The following MTR variants were observed in gnomAD, a reference collection of about 807,000 sequenced individuals.
MTR encodes 5-methyltetrahydrofolate-homocysteine methyltransferase, also known as methionine synthase.
In MTR, 84 loss-of-function variants were observed where a neutral mutation model predicts 154.8. That is an observed-to-expected ratio of 0.54 (90% CI 0.45 to 0.65). MTR has a LOEUF of 0.65. Ranked by LOEUF, MTR falls within the 30% of genes least tolerant of loss-of-function variation. The pLI, the probability that MTR is intolerant of heterozygous loss-of-function variation, is 0.00. For missense variants in MTR, 1,275 were observed against 1,570.2 expected (o/e 0.81, Z 3.18); for synonymous variants, 554 against 553.9 (o/e 1.00, Z 0.00).
At chr1:236,886,825 C>T (rs946390680) in intron 27 of MTR, among the ~76,000 whole-genome samples, 4 of 152,170 alleles carry the variant, frequency 2.6e-5, no homozygotes, top group Admixed American at 6.5e-5. Context: ...CTGGGTCTTT[C>T]GCAGGCCCAG....
intron 1 of MTR, among the ~76,000 whole-genome samples, chr1:236,796,212 C>G (rs1408808043): frequency 6.6e-6 from 1 of 152,318 alleles, no homozygotes; most frequent in South Asian, 2.1e-4. Flanking sequence ...TCTGCTTCTA[C>G]GCACGCTGCT....
At chr1:236,875,551 A>G (rs1665383888) in intron 24 of MTR, among the ~76,000 whole-genome samples, 1 of 152,212 alleles carries the variant, frequency 6.6e-6, no homozygotes, top group African/African-American at 2.4e-5. Flanking sequence ...TCACTTTCTC[A>G]GCATTATCAT....
intron 31 of MTR, among the ~76,000 whole-genome samples, chr1:236,896,643 G>C (rs1302614298): frequency 6.6e-6 from 1 of 152,180 alleles, no homozygotes; most frequent in Non-Finnish European, 1.5e-5. Context: ...GCCGGTGGAG[G>C]CTGTTCAGTT....
chr1:236,829,378 A>G, intron 12 of MTR, 110 bp downstream of exon 12: 1 of 906,878 alleles, frequency 1.1e-6, no homozygotes, highest in Non-Finnish European at 1.8e-6. Flanking sequence ...AGGTCGAAGA[A>G]GAATCCATAT....
intron 8 of MTR, chr1:236,819,593 C>A: frequency 2.3e-6 from 1 of 433,520 alleles, no homozygotes. Flanking sequence ...GTCCATCCGG[C>A]GTTGTTCTGG....
chr1:236,805,669 G>A (rs893876145), intron 2 of MTR, among the ~76,000 whole-genome samples: 5 of 151,766 alleles, frequency 3.3e-5, no homozygotes, highest in African/African-American at 1.2e-4. Flanking sequence ...AATTTTTCGT[G>A]TTGTTTTGGT....
chr1:236,892,937 C>T (rs1262998041), intron 29 of MTR, among the ~76,000 whole-genome samples: 1 of 152,116 alleles, frequency 6.6e-6, no homozygotes, highest in Non-Finnish European at 1.5e-5. Context: ...TTTTAGTAGC[C>T]TCTGGAGAGG....
At chr1:236,851,013 G>A (rs1432056461) in intron 16 of MTR, among the ~76,000 whole-genome samples, 1 of 152,040 alleles carries the variant, frequency 6.6e-6, no homozygotes, top group Non-Finnish European at 1.5e-5. Context: ...GTTTTATGAC[G>A]CTACTCTGTT....
rs1660976326 is a variant in MTR, at chr1:236,806,229, A to G, written c.335A>G (p.His112Arg). 1 of 1,612,552 alleles carries G rather than the reference A, an allele frequency of 6.2e-7. No individual in the cohort carries two copies. The highest frequency in any genetic ancestry group is 8.5e-7 in the Non-Finnish European group (1 of 1,178,658). Residue 112 changes from histidine to arginine, a missense_variant, in exon 3 of 33, where the codon CAC becomes CGC. His to Arg is a conservative substitution (Grantham distance 29, BLOSUM62 0). Coordinates refer to ENST00000366577, the MANE Select transcript of MTR (RefSeq NM_000254.3). ...GCCCAAGCTGACTATGGCCTTGAAC[A>G]CTTGGTAAGAATTCCATTGTTCCAT... Reference protein sequence around the residue: ...SIAQADYGLEHLAYRMNMCSA... With the variant: ...SIAQADYGLERLAYRMNMCSA...
At chr1:236,891,095 G>A (rs1455631813) in intron 28 of MTR, 38 bp from the exon 29 acceptor site, 1 of 1,605,918 alleles carries the variant, frequency 6.2e-7, no homozygotes, top group Non-Finnish European at 8.5e-7. Flanking sequence ...GTTATTTTTG[G>A]CATCTTTAAG....
intron 24 of MTR, among the ~76,000 whole-genome samples, chr1:236,876,722 C>A (rs1313512098): frequency 1.4e-5 from 2 of 143,210 alleles, no homozygotes; most frequent in Non-Finnish European, 3.1e-5. Flanking sequence ...GAAAAAAAAA[C>A]ATTGAGAAGC....
intron 15 of MTR, among the ~76,000 whole-genome samples, chr1:236,846,692 C>G (rs1358543074): frequency 6.6e-6 from 1 of 152,038 alleles, no homozygotes; most frequent in Non-Finnish European, 1.5e-5. Flanking sequence ...TAGATCATTC[C>G]TGTGTGTTTT....
At chr1:236,830,346 C>A (rs1184746897) in intron 12 of MTR, among the ~76,000 whole-genome samples, 1 of 151,994 alleles carries the variant, frequency 6.6e-6, no homozygotes, top group Admixed American at 6.6e-5. Flanking sequence ...TTACTTCAGC[C>A]AAGCACTAAG....
In MTR at chr1:236,882,801, A is replaced by G. The variant is rs546372073; in HGVS notation, c.2676+1965A>G. Among the ~76,000 whole-genome samples the G allele has an allele frequency of 1.5e-3, 235 of 152,338 alleles. 3 individuals are homozygous for G. Among genetic ancestry groups the G allele is most frequent in the African/African-American group, 5.4e-3 (225 of 41,592 alleles). On this transcript the variant is annotated intron_variant, in intron 25 of 32. Transcript: ENST00000366577. ...TCCAGTTTGGTCCAGCCACGCAGCC[A>G]GCAGTGGTTAGCTCCTCCCGTGTAC... is the stretch of plus-strand genomic sequence containing the variant.
In MTR at chr1:236,880,702, A is replaced by G. The variant is rs1572323159; in HGVS notation, c.2595-53A>G. The G allele has an allele frequency of 2.9e-6, 4 of 1,388,134 alleles. No individual in the cohort carries two copies. In the South Asian group the frequency reaches 4.6e-5, roughly 16 times the overall value. 86.0% of individuals were successfully genotyped at this position (1,388,134 alleles called of 1,614,324 possible). On this transcript the variant is annotated intron_variant, in intron 24 of 32. Coordinates refer to ENST00000366577, the MANE Select transcript of MTR (RefSeq NM_000254.3). ...TCTAATGGCGCTGAACAAGAGTTGT[A>G]TAGGAACTGTCAGTGCTGATGGATA...
At chr1:236,847,379 C>T (rs959336568) in intron 15 of MTR, among the ~76,000 whole-genome samples, 1 of 152,230 alleles carries the variant, frequency 6.6e-6, no homozygotes, top group Non-Finnish European at 1.5e-5. Context: ...TCCTTCTCTT[C>T]CTCACAGTGT....
rs530094792 is a variant in MTR, at chr1:236,845,645, GA to G, written c.1516-4697del. 1.7e-3 allele frequency among the ~76,000 whole-genome samples: 257 copies of G among 152,298 alleles called. 3 individuals are homozygous for G. The highest frequency in any genetic ancestry group is 5.8e-3 in the African/African-American group (241 of 41,562). ...AATGTAACAGCCCAAGTGCCCAACTGAAGAGAAATAGATAGGTAACATAATT... is the reference window on the plus strand; with the variant it reads ...AATGTAACAGCCCAAGTGCCCAACTGAGAGAAATAGATAGGTAACATAATT... On this transcript the variant is annotated intron_variant, in intron 15 of 32. Transcript: ENST00000366577.
chr1:236,852,492 A>C, intron 16 of MTR, 29 bp from the exon 17 acceptor site: 5 of 1,543,794 alleles, frequency 3.2e-6, no homozygotes, highest in South Asian at 1.1e-5. Flanking sequence ...AAAAAGGGGA[A>C]TCTTTTCATA....
chr1:236,860,267 C>G (rs1664460892), intron 19 of MTR, among the ~76,000 whole-genome samples: 1 of 152,156 alleles, frequency 6.6e-6, no homozygotes, highest in Admixed American at 6.5e-5. Flanking sequence ...GCTGCGAATC[C>G]TGTCCTGGAC....
Sources: gnomAD v4.1 joint callset for allele counts (sites outside exome capture counted in the v4.1 genomes callset) on GRCh38, gnomAD v4.1.1 for gene constraint, MANE v1.5 for transcripts, NCBI Gene and HGNC (gene_info 2026-07-23, HGNC 2026-07-21) for gene names.